Variants in SULT6B1 observed in about 807,000 individuals in gnomAD.
SULT6B1 encodes sulfotransferase family 6B member 1.
SULT6B1 carries 44 observed loss-of-function variants against 37.2 expected under a neutral mutation model. That is an observed-to-expected ratio of 1.18 (90% CI 0.93 to 1.52). SULT6B1 has a LOEUF of 1.52. Among genes scored for constraint, SULT6B1 ranks in the 40% most tolerant of loss-of-function variants. The pLI, the probability that SULT6B1 is intolerant of heterozygous loss-of-function variation, is 0.00. For missense variants in SULT6B1, 450 were observed against 361.0 expected, an observed-to-expected ratio of 1.25 and a Z score of -2.00; for synonymous variants, 140 against 126.0, an observed-to-expected ratio of 1.11 and a Z score of -0.74.
chr2:37,191,887 C>T (rs527279133), upstream of SULT6B1, among the ~76,000 whole-genome samples: 9 of 152,326 alleles, frequency 5.9e-5, no homozygotes, highest in South Asian at 1.0e-3. Flanking sequence ...CTATAACACC[C>T]GCTCTGGGGA....
chr2:37,194,897 T>C lies in SULT6B1; in HGVS notation c.-22+1619A>G, dbSNP rs62135026. On this transcript the variant is annotated intron_variant, in intron 1 of 7. Transcript: ENST00000407963. ...CCTCCCTCCCTTCCTTCCTTCCTTCTTTCCTTCCTTCCTTCCTTCCTTCCT... is the reference window on the plus strand; with the variant it reads ...CCTCCCTCCCTTCCTTCCTTCCTTCCTTCCTTCCTTCCTTCCTTCCTTCCT... Among the ~76,000 whole-genome samples, 440 of 68,318 alleles carry C rather than the reference T, an allele frequency of 6.4e-3. 5 individuals carry two copies. Among genetic ancestry groups the C allele is most frequent in the Non-Finnish European group, 8.5e-3 (299 of 35,278 alleles). The allele number at this position is 68,318 out of a possible 152,430, so 44.8% of individuals were successfully genotyped here. A position where few individuals can be genotyped will look rare whatever the true frequency, so the allele number is the denominator to read the frequency against.
At chr2:37,181,531 C>G (rs1429462887) in intron 3 of SULT6B1, among the ~76,000 whole-genome samples, 3 of 152,024 alleles carry the variant, frequency 2.0e-5, no homozygotes, top group Admixed American at 2.0e-4. Context: ...AGCGGTGCAC[C>G]ACCATGCCCG....
intron 6 of SULT6B1, among the ~76,000 whole-genome samples, chr2:37,171,219 A>G (rs909077267): frequency 2.6e-5 from 4 of 152,092 alleles, no homozygotes; most frequent in East Asian, 1.9e-4. Flanking sequence ...CAGCCTGGGC[A>G]ACAGAGCGAG....
chr2:37,193,670 GAGA>G (rs1198271712), intron 1 of SULT6B1, among the ~76,000 whole-genome samples: 1 of 149,222 alleles, frequency 6.7e-6, no homozygotes, highest in Non-Finnish European at 1.5e-5. Flanking sequence ...GGAGAAGAAG[GAGA>G]AGAAGGAGAA....
chr2:37,178,291 G>A (rs1265371232), intron 4 of SULT6B1, among the ~76,000 whole-genome samples: 1 of 152,038 alleles, frequency 6.6e-6, no homozygotes, highest in Non-Finnish European at 1.5e-5. Context: ...AGGCTGGAGT[G>A]CAGTTGATCA....
At chr2:37,180,869 G>A (rs1030459974) in intron 3 of SULT6B1, among the ~76,000 whole-genome samples, 1 of 152,142 alleles carries the variant, frequency 6.6e-6, no homozygotes, top group Non-Finnish European at 1.5e-5. Context: ...GGGCAGCAGA[G>A]CAAGACTCCA....
At chr2:37,179,947 A>T (rs114475735) in intron 3 of SULT6B1, among the ~76,000 whole-genome samples, 89 of 152,340 alleles carry the variant, frequency 5.8e-4, no homozygotes, top group African/African-American at 1.9e-3. Flanking sequence ...TAAGGACGAC[A>T]AAAATAATGT....
intron 2 of SULT6B1, among the ~76,000 whole-genome samples, chr2:37,185,717 CAAAAAAAA>C (rs200087048): frequency 0.13 from 10,553 of 83,482 alleles, 1,397 homozygotes; most frequent in East Asian, 0.65. Context: ...GACTCCATTT[CAAAAAAAA>C]AAAAAAAAAA....
rs1175448591 is a variant in SULT6B1 at position 37,171,465 on chromosome 2, G to A, written c.750C>T (p.His250=). Reference sequence around the variant, plus strand: ...GGAAAAGGAATGGGCCGACAGCACCGTGTGTGTCCTGAGACTTCGCACGCA... The same window carrying A: ...GGAAAAGGAATGGGCCGACAGCACCATGTGTGTCCTGAGACTTCGCACGCA... The part of the protein sequence containing the change: ...QAMRAKSQDT[H]GAVGPFLFRK... The change falls in exon 6 of 7, where the codon CAC becomes CAT. Residue 250 remains histidine (H), a synonymous_variant. Coordinates refer to ENST00000535679, the MANE Select transcript of SULT6B1 (RefSeq NM_001367551.1). The A allele has an allele frequency of 5.0e-6, 8 of 1,613,926 alleles. No homozygotes were observed. The highest frequency in any genetic ancestry group is 4.0e-5 in the African/African-American group (3 of 74,922).
chr2:37,175,552 G>T (rs573276987), intron 4 of SULT6B1, among the ~76,000 whole-genome samples: 2 of 152,088 alleles, frequency 1.3e-5, no homozygotes, highest in Non-Finnish European at 2.9e-5. Flanking sequence ...CATGAAATCC[G>T]ACAGAGACAA....
chr2:37,183,824 A>G (rs1445463230), intron 2 of SULT6B1, among the ~76,000 whole-genome samples: 4 of 152,026 alleles, frequency 2.6e-5, no homozygotes, highest in Non-Finnish European at 5.9e-5. Context: ...TTGTATTTTT[A>G]GTAGAGACAG....
At chr2:37,179,617 G>C (rs1676506447) in intron 3 of SULT6B1, 33 bp from the exon 4 acceptor site, 1 of 1,602,562 alleles carries the variant, frequency 6.2e-7, no homozygotes, top group African/African-American at 1.3e-5. Context: ...ATTTATTTGG[G>C]TCTATGTTTT....
chr2:37,169,530 C>A (rs769346574), intron 6 of SULT6B1, among the ~76,000 whole-genome samples: 2 of 152,148 alleles, frequency 1.3e-5, no homozygotes, highest in African/African-American at 4.8e-5. Context: ...GGCTCTGTCA[C>A]CCAGGCTGGA....
chr2:37,190,612 G>A (rs1209554746), upstream of SULT6B1, among the ~76,000 whole-genome samples: 3 of 152,162 alleles, frequency 2.0e-5, no homozygotes, highest in African/African-American at 7.2e-5. Context: ...GAGGGTTGGC[G>A]GGAGGAAAAG....
At chr2:37,185,179 A>G (rs913624753) in intron 2 of SULT6B1, among the ~76,000 whole-genome samples, 3 of 152,222 alleles carry the variant, frequency 2.0e-5, no homozygotes, top group African/African-American at 7.2e-5. Context: ...GTACAGACAC[A>G]TGAGAAATGG....
intron 2 of SULT6B1, among the ~76,000 whole-genome samples, chr2:37,184,852 C>A (rs1676637780): frequency 6.6e-6 from 1 of 151,576 alleles, no homozygotes; most frequent in African/African-American, 2.4e-5. Context: ...AACAACAAAA[C>A]TTAGTGGAGA....
rs72874042 is a variant in SULT6B1, at chr2:37,179,961, A to G, written c.403-377T>C. Among the ~76,000 whole-genome samples, 480 of 152,352 alleles carry G rather than the reference A, an allele frequency of 3.2e-3. 3 individuals are homozygous for G. The highest frequency in any genetic ancestry group is 0.011 in the African/African-American group (449 of 41,580). On this transcript the variant is annotated intron_variant, in intron 3 of 6. Transcript: ENST00000535679. ...TTAAGGACGACAAAAATAATGTTTTAGAGTTGGTAGGAGAAGATTAAAGAA... is the reference window on the plus strand; with the variant it reads ...TTAAGGACGACAAAAATAATGTTTTGGAGTTGGTAGGAGAAGATTAAAGAA...
intron 3 of SULT6B1, among the ~76,000 whole-genome samples, chr2:37,181,577 C>A (rs1215967065): frequency 2.6e-5 from 4 of 151,750 alleles, no homozygotes; most frequent in African/African-American, 9.7e-5. Context: ...ACAGGGGTCT[C>A]ACTATGTTGC....
chr2:37,190,359 A>G (rs926853451), upstream of SULT6B1, among the ~76,000 whole-genome samples: 1 of 152,170 alleles, frequency 6.6e-6, no homozygotes, highest in Admixed American at 6.5e-5. Flanking sequence ...TTAACCAGTG[A>G]AGAAGATGAC....
Sources: gnomAD v4.1 joint callset for allele counts (sites outside exome capture counted in the v4.1 genomes callset) on GRCh38, gnomAD v4.1.1 for gene constraint, MANE v1.5 for transcripts, NCBI Gene and HGNC (gene_info 2026-07-23, HGNC 2026-07-21) for gene names.